The following ZFPM2 variants were observed in gnomAD, a reference collection of about 807,000 sequenced individuals.
ZFPM2 encodes zinc finger protein, FOG family member 2.
ZFPM2 carries 20 observed loss-of-function variants against 98.6 expected under a neutral mutation model. The ratio of observed to expected loss-of-function variants is 0.20; its 90% CI spans 0.14 to 0.29. The LOEUF (loss-of-function observed/expected upper bound fraction) is 0.29. Ranked by LOEUF, ZFPM2 falls within the 10% of genes least tolerant of loss-of-function variation. ZFPM2 has a pLI of 1.00. For missense variants in ZFPM2, 1,310 were observed against 1,388.6 expected (o/e 0.94, Z 0.90); for synonymous variants, 518 against 502.7 (o/e 1.03, Z -0.41).
At chr8:105,658,608 A>AAAAAAAAAC (rs1563508879) in intron 5 of ZFPM2, among the ~76,000 whole-genome samples, 5 of 40,538 alleles carry the variant, frequency 1.2e-4, no homozygotes, top group South Asian at 4.9e-4. Flanking sequence ...AAAAAAAAAA[A>AAAAAAAAAC]AAAGAAATCA....
intron 6 of ZFPM2, among the ~76,000 whole-genome samples, chr8:105,789,282 G>A (rs549963277): frequency 5.9e-5 from 9 of 151,722 alleles, no homozygotes; most frequent in Non-Finnish European, 1.3e-4. Flanking sequence ...TCCCCTTCCT[G>A]TGTCCATGTG....
chr8:105,425,051 CA>C (rs1458439129), intron 2 of ZFPM2, among the ~76,000 whole-genome samples: 11 of 152,068 alleles, frequency 7.2e-5, no homozygotes, highest in Admixed American at 7.2e-4. Context: ...GTCAAGTCTG[CA>C]GTACCTATGA....
chr8:105,710,703 ATG>A (rs1269369194), intron 5 of ZFPM2, among the ~76,000 whole-genome samples: 56 of 96,798 alleles, frequency 5.8e-4, no homozygotes, highest in Admixed American at 1.1e-3. Flanking sequence ...GTGTGTGTGT[ATG>A]TGTGTGTGGG....
At chr8:105,755,740 G>A (rs1275645361) in intron 5 of ZFPM2, among the ~76,000 whole-genome samples, 3 of 151,578 alleles carry the variant, frequency 2.0e-5, no homozygotes, top group Non-Finnish European at 4.4e-5. Flanking sequence ...AAAAAACAAG[G>A]GTTTCTAATT....
chr8:105,511,464 G>GCC (rs1813816969), intron 3 of ZFPM2, among the ~76,000 whole-genome samples: 1 of 152,182 alleles, frequency 6.6e-6, no homozygotes. Context: ...CTAGATGGGG[G>GCC]CCCATGGCCA....
chr8:105,663,938 C>T (rs1390344374), intron 5 of ZFPM2, among the ~76,000 whole-genome samples: 2 of 152,194 alleles, frequency 1.3e-5, no homozygotes, highest in African/African-American at 2.4e-5. Flanking sequence ...AACACCCCCA[C>T]TTGAAATTTC....
intron 1 of ZFPM2, among the ~76,000 whole-genome samples, chr8:105,403,213 A>G (rs1212043250): frequency 6.6e-6 from 1 of 152,096 alleles, no homozygotes; most frequent in Non-Finnish European, 1.5e-5. Flanking sequence ...CCTTAGTGTT[A>G]TACCTACTGC....
intron 5 of ZFPM2, among the ~76,000 whole-genome samples, chr8:105,673,155 A>G (rs1817626303): frequency 7.7e-6 from 1 of 129,934 alleles, no homozygotes; most frequent in Non-Finnish European, 1.7e-5. Context: ...ATTTTTTTTC[A>G]TATTTCTACT....
At chr8:105,796,559 C>A (rs908276159) in intron 6 of ZFPM2, among the ~76,000 whole-genome samples, 4 of 152,106 alleles carry the variant, frequency 2.6e-5, no homozygotes, top group African/African-American at 9.7e-5. Context: ...ATTATACTTA[C>A]TATCCTTACT....
chr8:105,485,696 A>T (rs1813218130), intron 3 of ZFPM2, among the ~76,000 whole-genome samples: 1 of 152,296 alleles, frequency 6.6e-6, no homozygotes, highest in Non-Finnish European at 1.5e-5. Context: ...AAGCTGTAGG[A>T]CTTTGTTAAA....
intron 3 of ZFPM2, among the ~76,000 whole-genome samples, chr8:105,480,791 C>T (rs1401041113): frequency 6.7e-6 from 1 of 150,102 alleles, no homozygotes; most frequent in Non-Finnish European, 1.5e-5. Context: ...TGCTCTGCCT[C>T]CCAGTCTGGA....
At chr8:105,419,034 G>C (rs1811739160) in intron 1 of ZFPM2, 110 bp from the exon 2 acceptor site, 7 of 925,590 alleles carry the variant, frequency 7.6e-6, no homozygotes, top group South Asian at 1.7e-5. Context: ...GTACTACTTA[G>C]AGTATATTAT....
At chr8:105,426,882 G>A (rs997297137) in intron 2 of ZFPM2, among the ~76,000 whole-genome samples, 1 of 152,100 alleles carries the variant, frequency 6.6e-6, no homozygotes, top group African/African-American at 2.4e-5. Flanking sequence ...GTTTGAACAC[G>A]GGAAGAGGAG....
chr8:105,688,396 A>G (rs1484469013), intron 5 of ZFPM2, among the ~76,000 whole-genome samples: 1 of 152,164 alleles, frequency 6.6e-6, no homozygotes, highest in Non-Finnish European at 1.5e-5. Flanking sequence ...TTTATAAATC[A>G]GGAAAATTAT....
chr8:105,772,705 G>GCAGGTTA (rs1813007232), intron 5 of ZFPM2, among the ~76,000 whole-genome samples: 1 of 152,258 alleles, frequency 6.6e-6, no homozygotes, highest in Admixed American at 6.5e-5. Flanking sequence ...TAAAATATCT[G>GCAGGTTA]TGATGCAGGT....
chr8:105,758,053 C>T (rs764861631), intron 5 of ZFPM2, among the ~76,000 whole-genome samples: 2 of 152,060 alleles, frequency 1.3e-5, no homozygotes, highest in Non-Finnish European at 2.9e-5. Context: ...AGAGTAATAG[C>T]GAGCAGGACC....
At chr8:105,479,373 A>C (rs1813071931) in intron 3 of ZFPM2, among the ~76,000 whole-genome samples, 1 of 152,160 alleles carries the variant, frequency 6.6e-6, no homozygotes, top group South Asian at 2.1e-4. Flanking sequence ...TCTTTTTAAG[A>C]CTGTAACATA....
chr8:105,325,686 G>T (rs1812101762), intron 1 of ZFPM2, among the ~76,000 whole-genome samples: 1 of 151,702 alleles, frequency 6.6e-6, no homozygotes, highest in South Asian at 2.1e-4. Context: ...GCGAATAGAG[G>T]CTGAATTCCA....
At position 105,742,807 on chromosome 8, in the gene ZFPM2, T is replaced by C. The variant is rs549557881; in HGVS notation, c.533-45911T>C. Among the ~76,000 whole-genome samples the C allele has an allele frequency of 2.3e-4, 35 of 152,008 alleles. 1 individual carries two copies. The highest frequency in any genetic ancestry group is 7.7e-4 in the African/African-American group (32 of 41,528). On this transcript the variant is annotated intron_variant, in intron 5 of 7. Transcript: ENST00000407775. ...ACTCTGGAGGCTGAGGCAGGAGAAT[T>C]GCTTGAGGCAGAAGTTGCAGTGAGC...
Sources: gnomAD v4.1 joint callset for allele counts (sites outside exome capture counted in the v4.1 genomes callset) on GRCh38, gnomAD v4.1.1 for gene constraint, MANE v1.5 for transcripts, NCBI Gene and HGNC (gene_info 2026-07-23, HGNC 2026-07-21) for gene names.